The following RAPGEF4 variants were observed in gnomAD, a reference collection of about 807,000 sequenced individuals.
RAPGEF4 encodes the protein RAP guanine-nucleotide-exchange factor (GEF) 4.
RAPGEF4 carries 66 observed loss-of-function variants against 147.9 expected under a neutral mutation model. The ratio of observed to expected loss-of-function variants is 0.45; its 90% CI spans 0.37 to 0.55. RAPGEF4 has a LOEUF of 0.55. RAPGEF4 is among the 20% of genes least tolerant of loss of function. The pLI is 0.00. For synonymous variants in RAPGEF4, 419 were observed against 442.7 expected, an observed-to-expected ratio of 0.95 and a Z score of 0.67; for missense variants, 1,071 against 1,257.3, an observed-to-expected ratio of 0.85 and a Z score of 2.24.
intron 23 of RAPGEF4, 150 bp from the exon 24 acceptor site, chr2:173,026,422 C>A: frequency 1.3e-6 from 1 of 753,714 alleles, no homozygotes; most frequent in Non-Finnish European, 2.0e-6. Flanking sequence ...ACTAGCGTTG[C>A]GAGCAGAGGC....
chr2:172,918,641 C>T (rs1258162796), intron 5 of RAPGEF4, among the ~76,000 whole-genome samples: 1 of 152,084 alleles, frequency 6.6e-6, no homozygotes, highest in African/African-American at 2.4e-5. Flanking sequence ...ACCCGTATGT[C>T]CCCTGAGTCT....
chr2:172,763,805 G>C (rs184319644), intron 1 of RAPGEF4, among the ~76,000 whole-genome samples: 17 of 152,146 alleles, frequency 1.1e-4, no homozygotes, highest in Admixed American at 9.8e-4. Flanking sequence ...ATATTATCTA[G>C]TTTGTCCATT....
At chr2:172,954,965 C>T (rs977228178) in intron 6 of RAPGEF4, among the ~76,000 whole-genome samples, 2 of 152,192 alleles carry the variant, frequency 1.3e-5, no homozygotes, top group African/African-American at 4.8e-5. Flanking sequence ...TTTAGCCTCG[C>T]ACACTGCTCT....
intron 1 of RAPGEF4, among the ~76,000 whole-genome samples, chr2:172,775,753 T>G (rs766910942): frequency 5.3e-5 from 8 of 152,172 alleles, no homozygotes; most frequent in Non-Finnish European, 8.8e-5. Flanking sequence ...TATAGATATT[T>G]TTTCTACTAG....
intron 23 of RAPGEF4, among the ~76,000 whole-genome samples, chr2:173,024,628 G>A (rs899246159): frequency 3.3e-5 from 5 of 152,172 alleles, no homozygotes; most frequent in African/African-American, 7.2e-5. Flanking sequence ...CTCTTAACAA[G>A]CCTAGGTATA....
chr2:172,837,842 G>T (rs1395248730), intron 4 of RAPGEF4, among the ~76,000 whole-genome samples: 1 of 152,168 alleles, frequency 6.6e-6, no homozygotes, highest in South Asian at 2.1e-4. Flanking sequence ...GAGATCACAG[G>T]TGTGAGCCAC....
At chr2:172,883,835 T>C (rs1045507268) in intron 4 of RAPGEF4, among the ~76,000 whole-genome samples, 3 of 152,104 alleles carry the variant, frequency 2.0e-5, no homozygotes, top group Admixed American at 1.3e-4. Context: ...GAAGATGAGA[T>C]GCAAAATATG....
At chr2:172,922,843 C>A (rs747841089) in intron 6 of RAPGEF4, among the ~76,000 whole-genome samples, 1 of 152,162 alleles carries the variant, frequency 6.6e-6, no homozygotes, top group Non-Finnish European at 1.5e-5. Flanking sequence ...AGCAAGCATT[C>A]CAAGAGTGGT....
At chr2:172,810,639 C>T (rs527404254) in intron 3 of RAPGEF4, among the ~76,000 whole-genome samples, 26 of 152,298 alleles carry the variant, frequency 1.7e-4, no homozygotes, top group African/African-American at 6.3e-4. Flanking sequence ...TCCCATCAGC[C>T]CTTGTTATCT....
chr2:172,807,742 G>A (rs1028392862), intron 3 of RAPGEF4, among the ~76,000 whole-genome samples: 1 of 152,036 alleles, frequency 6.6e-6, no homozygotes, highest in Non-Finnish European at 1.5e-5. Flanking sequence ...GTCCAGCCTG[G>A]GCAACATAGC....
rs781169001 is a variant in RAPGEF4 at position 172,795,047 on chromosome 2, G to C, written c.88G>C (p.Asp30His). The C allele has an allele frequency of 4.3e-6, 7 of 1,614,050 alleles. No individual in the cohort carries two copies. The highest frequency in any genetic ancestry group is 3.3e-5 in the South Asian group (3 of 91,070). Residue 30 changes from aspartate (D) to histidine (H), a missense_variant, in exon 2 of 31, where the codon GAT becomes CAT. Transcript: ENST00000397081. ...CAGACCACTGGAGCGATCCAGCGAA[G>C]ATGTGGATATAATCTTCACTCGACT... ...DKRPLERSSE[D>H]VDIIFTRLKE...
At chr2:172,892,133 G>C (rs761274565) in intron 4 of RAPGEF4, among the ~76,000 whole-genome samples, 17 of 152,110 alleles carry the variant, frequency 1.1e-4, no homozygotes, top group Non-Finnish European at 2.4e-4. Context: ...GAGCAGGGCG[G>C]ATGTGAGGGG....
At chr2:172,825,148 G>A (rs772819599) in intron 4 of RAPGEF4, among the ~76,000 whole-genome samples, 1 of 152,188 alleles carries the variant, frequency 6.6e-6, no homozygotes, top group Non-Finnish European at 1.5e-5. Context: ...TGTCAGTAAT[G>A]CATTTAATAC....
intron 8 of RAPGEF4, among the ~76,000 whole-genome samples, chr2:172,963,276 C>T (rs1380924169): frequency 6.6e-6 from 1 of 152,070 alleles, no homozygotes; most frequent in African/African-American, 2.4e-5. Context: ...ATATCAGGCC[C>T]CCTACATACT....
At chr2:172,736,496 CA>C (rs1434770704) in intron 1 of RAPGEF4, among the ~76,000 whole-genome samples, 1 of 152,168 alleles carries the variant, frequency 6.6e-6, no homozygotes, top group African/African-American at 2.4e-5. Context: ...TTCTTGAAAG[CA>C]AAGTGTGAGG....
At chr2:172,777,220 C>G (rs905173486) in intron 1 of RAPGEF4, among the ~76,000 whole-genome samples, 3 of 152,204 alleles carry the variant, frequency 2.0e-5, no homozygotes, top group Admixed American at 2.0e-4. Context: ...CAGCCTCCCT[C>G]TCTGCCTGTG....
At chr2:172,962,884 C>T (rs2011581) in intron 8 of RAPGEF4, among the ~76,000 whole-genome samples, 1 of 151,840 alleles carries the variant, frequency 6.6e-6, no homozygotes, top group Non-Finnish European at 1.5e-5. Flanking sequence ...TCTAGTCTGT[C>T]GACCTGTATT....
chr2:172,857,109 T>C (rs973421591), intron 4 of RAPGEF4, among the ~76,000 whole-genome samples: 5 of 152,172 alleles, frequency 3.3e-5, no homozygotes, highest in Admixed American at 2.0e-4. Context: ...ATTACTTTTG[T>C]GACCAGAAGC....
chr2:172,939,166 T>C (rs1015904330), intron 6 of RAPGEF4, among the ~76,000 whole-genome samples: 1 of 152,222 alleles, frequency 6.6e-6, no homozygotes, highest in African/African-American at 2.4e-5. Flanking sequence ...TTCGAATCAG[T>C]TGGGTAATTC....
Sources: gnomAD v4.1 joint callset for allele counts (sites outside exome capture counted in the v4.1 genomes callset) on GRCh38, gnomAD v4.1.1 for gene constraint, MANE v1.5 for transcripts, NCBI Gene and HGNC (gene_info 2026-07-23, HGNC 2026-07-21) for gene names.